Variants in IL1RAPL1 observed in about 807,000 individuals in gnomAD.
IL1RAPL1 encodes interleukin-1 receptor accessory protein-like 1.
IL1RAPL1 carries 3 observed loss-of-function variants against 48.4 expected under a neutral mutation model. That is an observed-to-expected ratio of 0.06 (90% CI 0.03 to 0.16). The LOEUF (loss-of-function observed/expected upper bound fraction) is 0.16, where lower values mean the gene tolerates loss of function less well. Among genes scored for constraint, IL1RAPL1 ranks in the 10% least tolerant of loss-of-function variants. The pLI, the probability that IL1RAPL1 is intolerant of heterozygous loss-of-function variation, is 1.00. For missense variants in IL1RAPL1, 349 were observed against 530.6 expected, an observed-to-expected ratio of 0.66 and a Z score of 3.36; for synonymous variants, 185 against 187.7, an observed-to-expected ratio of 0.99 and a Z score of 0.12.
chrX:28,733,827 T>G (rs955544652), intron 1 of IL1RAPL1, among the ~76,000 whole-genome samples: 3 of 111,609 alleles, frequency 2.7e-5, no homozygotes, highest in African/African-American at 9.8e-5. Context: ...AATTCCAGAT[T>G]CGTACATCTA....
rs751548963 is a variant in IL1RAPL1, at chrX:29,795,358, ACT to A, written c.779-122102_779-122101del. Among the ~76,000 whole-genome samples the A allele has an allele frequency of 2.9e-4, 32 of 111,729 alleles. No individual in the cohort carries two copies. In the South Asian group the frequency reaches 0.012, roughly 42 times the overall value. ...ATAATCTTAAATTTCAACCATATAA[ACT>A]CTCAGATACTCAAATAATGCAAATT... is the stretch of plus-strand genomic sequence containing the variant. On this transcript the variant is annotated intron_variant, in intron 6 of 10. Coordinates refer to ENST00000378993, the MANE Select transcript of IL1RAPL1 (RefSeq NM_014271.4).
At chrX:29,101,810 A>C (rs1458182914) in intron 2 of IL1RAPL1, among the ~76,000 whole-genome samples, 1 of 110,813 alleles carries the variant, frequency 9.0e-6, no homozygotes, top group African/African-American at 3.3e-5. Context: ...GGTGGCGGAC[A>C]CCTGTAATCC....
At chrX:28,826,644 T>C (rs1207062456) in intron 2 of IL1RAPL1, among the ~76,000 whole-genome samples, 3 of 111,237 alleles carry the variant, frequency 2.7e-5, no homozygotes. Context: ...CTCAGTGATA[T>C]AGTGTTCTTA....
chrX:28,887,135 A>C (rs56343349), intron 2 of IL1RAPL1, among the ~76,000 whole-genome samples: 17 of 111,239 alleles, frequency 1.5e-4, no homozygotes, highest in Non-Finnish European at 2.8e-4. Context: ...GGTTGTATTG[A>C]GAGGTGGAGC....
At chrX:28,960,945 G>A (rs1924754406) in intron 2 of IL1RAPL1, among the ~76,000 whole-genome samples, 2 of 93,210 alleles carry the variant, frequency 2.1e-5, no homozygotes, top group African/African-American at 8.4e-5. Flanking sequence ...AGGAGACGGA[G>A]CTTGCAGTGA....
chrX:28,811,012 TC>T (rs1190504231), intron 2 of IL1RAPL1, among the ~76,000 whole-genome samples: 8 of 110,619 alleles, frequency 7.2e-5, no homozygotes, highest in Non-Finnish European at 1.3e-4. Context: ...ACCCCAGCAT[TC>T]TTCATTTGTA....
chrX:28,707,891 A>G (rs999351388), intron 1 of IL1RAPL1, among the ~76,000 whole-genome samples: 1 of 112,072 alleles, frequency 8.9e-6, no homozygotes, highest in Non-Finnish European at 1.9e-5. Context: ...TTTGTAGCAC[A>G]TTTTTCATTG....
chrX:29,678,065 C>T (rs1926334495), intron 6 of IL1RAPL1, among the ~76,000 whole-genome samples: 1 of 111,350 alleles, frequency 9.0e-6, no homozygotes, highest in Non-Finnish European at 1.9e-5. Flanking sequence ...GTATGACTCT[C>T]ATTTTATCAT....
chrX:29,802,775 ATATATATGTGTGTGTG>A (rs1212278113), intron 6 of IL1RAPL1, among the ~76,000 whole-genome samples: 6 of 30,665 alleles, frequency 2.0e-4, no homozygotes, highest in South Asian at 1.6e-3. Flanking sequence ...ATATATATAT[ATATATATGTGTGTGTG>A]TATATATATA....
chrX:28,905,004 G>A (rs1601952639), intron 2 of IL1RAPL1, among the ~76,000 whole-genome samples: 1 of 111,134 alleles, frequency 9.0e-6, no homozygotes, highest in Non-Finnish European at 1.9e-5. Flanking sequence ...CTTTTGATTT[G>A]CTTTGAGGTA....
intron 5 of IL1RAPL1, among the ~76,000 whole-genome samples, chrX:29,524,794 C>T (rs1935536779): frequency 2.7e-5 from 3 of 112,141 alleles, no homozygotes; most frequent in South Asian, 3.7e-4. Flanking sequence ...TAACACTGAA[C>T]GAAAGTGTCG....
At chrX:29,479,893 C>T (rs915438200) in intron 5 of IL1RAPL1, among the ~76,000 whole-genome samples, 10 of 111,091 alleles carry the variant, frequency 9.0e-5, no homozygotes, top group East Asian at 2.8e-4. Context: ...GTATATATAC[C>T]GCATTTTCTT....
chrX:28,733,603 T>A (rs1345589906), intron 1 of IL1RAPL1, among the ~76,000 whole-genome samples: 1 of 111,710 alleles, frequency 9.0e-6, no homozygotes, highest in Admixed American at 9.6e-5. Flanking sequence ...AATTGACTCT[T>A]GGTATACCTT....
At chrX:28,937,112 G>T (rs978271866) in intron 2 of IL1RAPL1, among the ~76,000 whole-genome samples, 4 of 110,814 alleles carry the variant, frequency 3.6e-5, no homozygotes, top group African/African-American at 1.3e-4. Context: ...TTCATTTATT[G>T]TCATGTCACT....
At chrX:28,738,731 T>C (rs1025720110) in intron 1 of IL1RAPL1, among the ~76,000 whole-genome samples, 7 of 111,092 alleles carry the variant, frequency 6.3e-5, no homozygotes, top group Admixed American at 4.8e-4. Context: ...AGAAAGATAA[T>C]GTTGTTAGGA....
intron 1 of IL1RAPL1, among the ~76,000 whole-genome samples, chrX:28,784,462 T>C (rs1218783903): frequency 8.9e-6 from 1 of 111,883 alleles, no homozygotes; most frequent in East Asian, 2.8e-4. Flanking sequence ...TAAATGTCAT[T>C]GTTAAACACT....
At chrX:29,837,169 G>A (rs1601846078) in intron 6 of IL1RAPL1, among the ~76,000 whole-genome samples, 1 of 103,868 alleles carries the variant, frequency 9.6e-6, no homozygotes, top group African/African-American at 3.5e-5. Context: ...AGGCTGAGGT[G>A]GAAGAATCGC....
At chrX:28,813,386 T>C (rs189359264) in intron 2 of IL1RAPL1, among the ~76,000 whole-genome samples, 3 of 111,622 alleles carry the variant, frequency 2.7e-5, no homozygotes. Context: ...TCCATTGTGG[T>C]CTGAGATAAT....
chrX:29,454,243 G>C (rs1030564611), intron 5 of IL1RAPL1, among the ~76,000 whole-genome samples: 2 of 112,308 alleles, frequency 1.8e-5, no homozygotes, highest in African/African-American at 6.5e-5. Context: ...ATCAATTTTA[G>C]ATGTGTCTGA....
Sources: allele counts gnomAD v4.1 joint callset (sites outside exome capture counted in the v4.1 genomes callset), GRCh38; gene constraint gnomAD v4.1.1; transcripts MANE v1.5; gene names NCBI Gene and HGNC (gene_info 2026-07-23, HGNC 2026-07-21).